Variants in TBC1D8 observed in about 807,000 individuals in gnomAD.
TBC1D8 encodes the protein BUB2-like protein 1.
A neutral mutation model predicts 118.8 loss-of-function variants in TBC1D8; 65 were observed. That is an observed-to-expected ratio of 0.55 (90% CI 0.45 to 0.67). TBC1D8 has a LOEUF of 0.67. Ranked by LOEUF, TBC1D8 falls within the 30% of genes least tolerant of loss-of-function variation. The pLI is 0.00. For missense variants in TBC1D8, 1,376 were observed against 1,471.2 expected (o/e 0.94, Z 1.06); for synonymous variants, 566 against 595.8 (o/e 0.95, Z 0.73).
intron 2 of TBC1D8, among the ~76,000 whole-genome samples, chr2:101,083,248 G>C (rs1012260592): frequency 6.6e-5 from 10 of 152,116 alleles, no homozygotes; most frequent in Admixed American, 5.9e-4. Flanking sequence ...GGCATCAGAA[G>C]GTCACAAGTA....
Position 101,036,049 on chromosome 2 carries a change from A to T in TBC1D8, c.1572T>A (p.Ser524=), listed in dbSNP as rs1233320844. ...RKLVAMGIPE[S]LRGRLWLLFS... ...AGAGAAGCCAGAGTCTCCCTCGCAAAGATTCAGGGATGCCCATGGCTACGA... is the reference window on the plus strand; with the variant it reads ...AGAGAAGCCAGAGTCTCCCTCGCAATGATTCAGGGATGCCCATGGCTACGA... Residue 524 remains serine, a synonymous_variant, in exon 9 of 20, where the codon TCT becomes TCA. Coordinates refer to ENST00000409318, the MANE Select transcript of TBC1D8 (RefSeq NM_001330348.2). The T allele has an allele frequency of 6.2e-7, 1 of 1,614,040 alleles. No individual in the cohort carries two copies. The highest frequency in any genetic ancestry group is 1.7e-5 in the Admixed American group (1 of 60,028).
rs200117463 is a variant in TBC1D8 at position 101,090,284 on chromosome 2, C to T, written c.208G>A (p.Gly70Ser). ...GCTATGGGAGAATAAACCTGGGAGC[C>T]GGGAACTTGAAGCAGAATTCGAAAT... is the stretch of plus-strand genomic sequence containing the variant. ...APFRILLQVP[G>S]SQVYSPIACG... The change falls in exon 2 of 20, where the codon GGC becomes AGC. Residue 70 changes from glycine (G) to serine (S), a missense_variant. Gly to Ser is a moderately conservative substitution (Grantham distance 56). Coordinates refer to ENST00000409318, the MANE Select transcript of TBC1D8 (RefSeq NM_001330348.2). The T allele has an allele frequency of 1.2e-4, 196 of 1,613,802 alleles. No individual in the cohort carries two copies. The highest frequency in any genetic ancestry group is 1.6e-4 in the Non-Finnish European group (183 of 1,179,880).
chr2:101,124,858 G>A (rs1678283894), intron 1 of TBC1D8, among the ~76,000 whole-genome samples: 1 of 152,178 alleles, frequency 6.6e-6, no homozygotes. Flanking sequence ...CGAAGCATCT[G>A]GAGACGTGAT....
rs1478977238 is a variant in TBC1D8 at position 101,021,675 on chromosome 2, T to C, written c.2827+6A>G. On this transcript the variant is annotated splice_donor_region_variant and intron_variant, in intron 17 of 19. Transcript: ENST00000409318. The stretch of plus-strand genomic sequence containing the variant: ...CAGTCTGATTTTGCTACTTGGACTT[T>C]CTTACCTGGAGGGATATGAAGCCTG... 1.9e-6 allele frequency: 3 copies of C among 1,591,236 alleles called. No individual in the cohort carries two copies. Among genetic ancestry groups the C allele is most frequent in the African/African-American group, 1.3e-5 (1 of 74,588 alleles).
rs144990163 is a variant in TBC1D8, at chr2:101,009,821, C to CATT, written c.3015+1107_3015+1108insAAT. Among the ~76,000 whole-genome samples, 40 of 134,252 alleles carry CATT rather than the reference C, an allele frequency of 3.0e-4. 3 individuals are homozygous for CATT. Among genetic ancestry groups the CATT allele is most frequent in the African/African-American group, 7.8e-4 (29 of 37,254 alleles). The allele number at this position is 134,252 out of a possible 152,430, so 88.1% of individuals were successfully genotyped here. ...TGACTTAAGTCCTATAAAAAAGGAGCTTTTTCTTTTTTTTTTTTGAGATGG... is the reference window on the plus strand; with the variant it reads ...TGACTTAAGTCCTATAAAAAAGGAGCATTTTTTTCTTTTTTTTTTTTGAGATGG... On this transcript the variant is annotated intron_variant, in intron 19 of 19. Transcript: ENST00000409318.
intron 5 of TBC1D8, among the ~76,000 whole-genome samples, chr2:101,043,063 C>T (rs1229906075): frequency 6.6e-6 from 1 of 152,180 alleles, no homozygotes; most frequent in African/African-American, 2.4e-5. Context: ...TACTATCCAG[C>T]CCTCAAAAGG....
At chr2:101,010,352 C>T (rs1260762297) in intron 19 of TBC1D8, among the ~76,000 whole-genome samples, 1 of 152,148 alleles carries the variant, frequency 6.6e-6, no homozygotes, top group East Asian at 1.9e-4. Flanking sequence ...GCCCCAAATA[C>T]TTCTACCTCC....
Position 101,068,656 on chromosome 2 carries a change from C to T in TBC1D8, c.284-9117G>A, listed in dbSNP as rs984742363. 3 of 502,050 alleles carry T rather than the reference C, an allele frequency of 6.0e-6. No homozygotes were observed. In the African/African-American group the frequency reaches 6.0e-5, roughly 10 times the overall value. The allele number at this position is 502,050 out of a possible 1,614,324, so 31.1% of individuals were successfully genotyped here. ...AAAAGGAACAATGGCAAATAACCCA[C>T]TGGATGATACCTTAGCACTTTAGGG... On this transcript the variant is annotated intron_variant, in intron 2 of 19. Transcript: ENST00000409318.
chr2:101,139,915 C>T (rs1012061999), intron 1 of TBC1D8, among the ~76,000 whole-genome samples: 2 of 152,176 alleles, frequency 1.3e-5, no homozygotes, highest in African/African-American at 2.4e-5. Flanking sequence ...CCCACAATCA[C>T]GACTACAAAC....
intron 3 of TBC1D8, among the ~76,000 whole-genome samples, chr2:101,059,211 CTT>C (rs142846099): frequency 2.6e-3 from 369 of 140,288 alleles, no homozygotes; most frequent in South Asian, 3.7e-3. Flanking sequence ...CCAGCCAAGT[CTT>C]TTTTTTTTTT....
intron 17 of TBC1D8, among the ~76,000 whole-genome samples, chr2:101,020,588 C>T (rs141870596): frequency 1.3e-5 from 2 of 152,274 alleles, no homozygotes; most frequent in African/African-American, 4.8e-5. Context: ...GGAGGGACTG[C>T]GTGGCCAGCA....
In TBC1D8 at chr2:101,147,595, A is replaced by G. The variant is rs116393610; in HGVS notation, c.127+3532T>C. 3.5e-3 allele frequency among the ~76,000 whole-genome samples: 529 copies of G among 152,290 alleles called. 2 individuals carry two copies. The highest frequency in any genetic ancestry group is 6.2e-3 in the Non-Finnish European group (424 of 68,026). On this transcript the variant is annotated intron_variant, in intron 1 of 19. Coordinates refer to ENST00000409318, the MANE Select transcript of TBC1D8 (RefSeq NM_001330348.2). ...GGTTTTGATGTGCCTTTCCCTGATGATTAGTGATGCTGGGCATGTTTGATG... is the reference window on the plus strand; with the variant it reads ...GGTTTTGATGTGCCTTTCCCTGATGGTTAGTGATGCTGGGCATGTTTGATG...
chr2:101,091,060 A>G (rs1676003207), intron 1 of TBC1D8, among the ~76,000 whole-genome samples: 2 of 150,264 alleles, frequency 1.3e-5, no homozygotes, highest in South Asian at 2.1e-4. Flanking sequence ...AGGCGGGAGG[A>G]TCACTTGAGG....
In TBC1D8 at chr2:101,023,077, G is replaced by A. The variant is rs574351180; in HGVS notation, c.2521-556C>T. 5.3e-5 allele frequency among the ~76,000 whole-genome samples: 8 copies of A among 151,836 alleles called. No homozygotes were observed. The South Asian group carries it at 8.3e-4, about 16-fold the overall frequency. On this transcript the variant is annotated intron_variant, in intron 15 of 19. Transcript: ENST00000409318. ...GGAGAATCGCTTGAACTCCGGAGGC[G>A]GAGGTTGCAGTGAGCCGAGATCGCG...
At chr2:101,085,643 A>C (rs1323519301) in intron 2 of TBC1D8, among the ~76,000 whole-genome samples, 1 of 152,200 alleles carries the variant, frequency 6.6e-6, no homozygotes, top group African/African-American at 2.4e-5. Flanking sequence ...AAATGAATGG[A>C]TGAGAACGCA....
chr2:101,056,865 A>T (rs951888796), intron 3 of TBC1D8, among the ~76,000 whole-genome samples: 1 of 152,084 alleles, frequency 6.6e-6, no homozygotes, highest in Non-Finnish European at 1.5e-5. Context: ...GGGATTTTTT[A>T]AAAGTTTTGT....
chr2:101,033,834 T>C, intron 9 of TBC1D8, 76 bp from the exon 10 acceptor site: 1 of 1,506,532 alleles, frequency 6.6e-7, no homozygotes, highest in Admixed American at 2.0e-5. Context: ...GCTGGTCCCA[T>C]CAGGGGACCC....
chr2:101,100,545 A>C (rs762767421), intron 1 of TBC1D8, among the ~76,000 whole-genome samples: 7 of 152,194 alleles, frequency 4.6e-5, no homozygotes, highest in Non-Finnish European at 7.3e-5. Context: ...AGAAGACCCC[A>C]TATAGCCAAG....
At chr2:101,046,792 C>T (rs1681734458) in intron 5 of TBC1D8, among the ~76,000 whole-genome samples, 2 of 152,080 alleles carry the variant, frequency 1.3e-5, no homozygotes, top group African/African-American at 2.4e-5. Flanking sequence ...CTGAGGACAC[C>T]TGCCTCTGGG....
Sources: allele counts gnomAD v4.1 joint callset (sites outside exome capture counted in the v4.1 genomes callset), GRCh38; gene constraint gnomAD v4.1.1; transcripts MANE v1.5; gene names NCBI Gene and HGNC (gene_info 2026-07-23, HGNC 2026-07-21).